The following EDDM13 variants were observed in gnomAD, a reference collection of about 807,000 sequenced individuals.
EDDM13 encodes the protein epididymal protein 13.
Under a neutral mutation model 17.8 loss-of-function variants are expected in EDDM13, and 24 were observed. The ratio of observed to expected loss-of-function variants is 1.35; its 90% CI spans 0.98 to 1.90. The LOEUF is 1.90. EDDM13 is among the 40% of genes most tolerant of loss of function. The pLI, the probability that EDDM13 is intolerant of heterozygous loss-of-function variation, is 0.00. For synonymous variants in EDDM13, 31 were observed against 37.5 expected, an observed-to-expected ratio of 0.83 and a Z score of 0.63; for missense variants, 97 against 100.8, an observed-to-expected ratio of 0.96 and a Z score of 0.16.
At position 56,272,771 on chromosome 19, in the gene EDDM13, T is replaced by C. The variant is rs774605398; in HGVS notation, c.-64T>C. On this transcript the variant is annotated 5_prime_UTR_variant, in exon 1 of 15. Transcript: ENST00000649256. ...TTGTCCCTGGAGCCTGGGAAGACGG[T>C]GGGTGACCAGAGAGTCCTGTCTATC... 5 of 639,382 alleles carry C rather than the reference T, an allele frequency of 7.8e-6. No individual in the cohort carries two copies. Among genetic ancestry groups the C allele is most frequent in the Non-Finnish European group, 9.7e-6 (5 of 513,730 alleles). 39.6% of individuals were successfully genotyped at this position (639,382 alleles called of 1,614,324 possible). A position where few individuals can be genotyped will look rare whatever the true frequency, so the allele number is the denominator to read the frequency against.
intron 12 of EDDM13, among the ~76,000 whole-genome samples, chr19:56,301,464 A>C (rs1481191547): frequency 6.6e-6 from 1 of 152,018 alleles, no homozygotes; most frequent in Non-Finnish European, 1.5e-5. Context: ...GGACCACCAG[A>C]GGTCACTTGA....
At chr19:56,307,758 C>T (rs2040793406) in intron 14 of EDDM13, among the ~76,000 whole-genome samples, 1 of 152,180 alleles carries the variant, frequency 6.6e-6, no homozygotes, top group Admixed American at 6.5e-5. Flanking sequence ...GTGTGGCTCT[C>T]CAGTGAATAA....
At chr19:56,293,152 A>G (rs1015786081) in intron 9 of EDDM13, among the ~76,000 whole-genome samples, 1 of 152,168 alleles carries the variant, frequency 6.6e-6, no homozygotes, top group Non-Finnish European at 1.5e-5. Flanking sequence ...CTGAAAAAAC[A>G]AATTGAAAAA....
intron 1 of EDDM13, among the ~76,000 whole-genome samples, chr19:56,274,135 G>C (rs747625885): frequency 7.9e-5 from 12 of 152,114 alleles, no homozygotes; most frequent in Non-Finnish European, 1.8e-4. Context: ...CTGGGGAATT[G>C]AGGCTGCCCT....
intron 2 of EDDM13, among the ~76,000 whole-genome samples, chr19:56,278,438 T>C (rs1204265334): frequency 6.6e-6 from 1 of 152,196 alleles, no homozygotes; most frequent in East Asian, 1.9e-4. Flanking sequence ...CCAGCCACAA[T>C]GTGCTATTTT....
chr19:56,296,991 C>T (rs1301882230), intron 11 of EDDM13, among the ~76,000 whole-genome samples: 1 of 152,016 alleles, frequency 6.6e-6, no homozygotes, highest in Non-Finnish European at 1.5e-5. Flanking sequence ...ATCACTTGAA[C>T]CTGGGAAGCA....
chr19:56,282,072 G>A (rs957321557), intron 3 of EDDM13, among the ~76,000 whole-genome samples: 2 of 152,154 alleles, frequency 1.3e-5, no homozygotes, highest in African/African-American at 2.4e-5. Flanking sequence ...GTTAGATTGT[G>A]TGTATTTATT....
intron 12 of EDDM13, among the ~76,000 whole-genome samples, chr19:56,301,707 G>C (rs1421633274): frequency 6.6e-6 from 1 of 152,114 alleles, no homozygotes; most frequent in Non-Finnish European, 1.5e-5. Flanking sequence ...TGAGAAATCT[G>C]GGCAAGACAG....
intron 12 of EDDM13, among the ~76,000 whole-genome samples, chr19:56,298,969 C>T (rs144466765): frequency 6.6e-6 from 1 of 152,160 alleles, no homozygotes; most frequent in Non-Finnish European, 1.5e-5. Flanking sequence ...TTTGGCAATA[C>T]ATGTTAAACA....
At position 56,272,792 on chromosome 19, in the gene EDDM13, C is replaced by A. The variant is rs12460523; in HGVS notation, c.-43C>A. On this transcript the variant is annotated 5_prime_UTR_variant, in exon 1 of 15. Transcript: ENST00000649256. Reference sequence around the variant, plus strand: ...ACGGTGGGTGACCAGAGAGTCCTGTCTATCCTAGGAGGAGAACATTCAGCC... The same window carrying A: ...ACGGTGGGTGACCAGAGAGTCCTGTATATCCTAGGAGGAGAACATTCAGCC... 0.52 allele frequency: 429,611 copies of A among 832,762 alleles called. 114,433 individuals are homozygous for A. The highest frequency in any genetic ancestry group is 0.54 in the Non-Finnish European group (376,167 of 691,010). The allele number at this position is 832,762 out of a possible 1,614,324, so 51.6% of individuals were successfully genotyped here. A position where few individuals can be genotyped will look rare whatever the true frequency, so the allele number is the denominator to read the frequency against.
chr19:56,280,723 G>A (rs551804461), intron 2 of EDDM13: 31 of 152,286 alleles, frequency 2.0e-4, no homozygotes, highest in African/African-American at 7.2e-4. Flanking sequence ...GACAGAGAGA[G>A]AGACAGAAAC....
chr19:56,293,207 T>C (rs1193415553), intron 9 of EDDM13, among the ~76,000 whole-genome samples: 1 of 152,148 alleles, frequency 6.6e-6, no homozygotes, highest in Non-Finnish European at 1.5e-5. Context: ...CCAGGCATGG[T>C]TGTTAAGTGC....
chr19:56,292,743 G>A (rs56247607), intron 9 of EDDM13, among the ~76,000 whole-genome samples: 24,136 of 151,918 alleles, frequency 0.16, 1,927 homozygotes, highest in Middle Eastern at 0.33. Flanking sequence ...CCTCAGCCCC[G>A]GCAACCACCA....
At chr19:56,285,800 T>G (rs1019431363) in intron 6 of EDDM13, among the ~76,000 whole-genome samples, 4 of 152,144 alleles carry the variant, frequency 2.6e-5, no homozygotes, top group Non-Finnish European at 4.4e-5. Flanking sequence ...TATTTTGTTT[T>G]GATGTTATTA....
At chr19:56,293,321 G>A (rs189742844) in intron 9 of EDDM13, among the ~76,000 whole-genome samples, 1 of 152,260 alleles carries the variant, frequency 6.6e-6, no homozygotes, top group East Asian at 1.9e-4. Flanking sequence ...CCAGTCAGGT[G>A]CAGAGAATAA....
chr19:56,308,849 C>T (rs975226362), intron 14 of EDDM13, among the ~76,000 whole-genome samples: 2 of 152,168 alleles, frequency 1.3e-5, no homozygotes, highest in Non-Finnish European at 2.9e-5. Flanking sequence ...TTCTCAGGCT[C>T]TCTTCAACCA....
In EDDM13 at chr19:56,304,734, T is replaced by G. The variant is rs569626312; in HGVS notation, c.424-59T>G. 6.6e-5 allele frequency: 64 copies of G among 964,950 alleles called. 1 individual carries two copies. In the South Asian group the frequency reaches 2.6e-3, roughly 40 times the overall value. The allele number at this position is 964,950 out of a possible 1,614,324, so 59.8% of individuals were successfully genotyped here. On this transcript the variant is annotated intron_variant, in intron 13 of 14. Coordinates refer to ENST00000649256, the MANE Select transcript of EDDM13 (RefSeq NM_001354658.2). ...GGAGAAAGGGAGGTAAGGAAGGAAT[T>G]CACTCGCCTCACCCCAACTGTTTCT... is the stretch of plus-strand genomic sequence containing the variant.
intron 1 of EDDM13, among the ~76,000 whole-genome samples, chr19:56,275,464 C>G (rs1383825242): frequency 6.6e-6 from 1 of 152,216 alleles, no homozygotes; most frequent in African/African-American, 2.4e-5. Flanking sequence ...GGTGCAGTGG[C>G]TCAAGCCTTT....
At chr19:56,281,372 A>G (rs2038691377) in intron 2 of EDDM13, among the ~76,000 whole-genome samples, 1 of 152,206 alleles carries the variant, frequency 6.6e-6, no homozygotes, top group African/African-American at 2.4e-5. Flanking sequence ...GTACACATAT[A>G]CATTTACATA....
Sources: allele counts gnomAD v4.1 joint callset (sites outside exome capture counted in the v4.1 genomes callset), GRCh38; gene constraint gnomAD v4.1.1; transcripts MANE v1.5; gene names NCBI Gene and HGNC (gene_info 2026-07-23, HGNC 2026-07-21).